The following STK32B variants were observed in gnomAD, a reference collection of about 807,000 sequenced individuals.
STK32B encodes serine/threonine-protein kinase 32B.
STK32B carries 43 observed loss-of-function variants against 52.6 expected under a neutral mutation model. The observed-to-expected ratio is 0.82, with a 90% CI of 0.64 to 1.05. The LOEUF is 1.05. Among genes scored for constraint, STK32B ranks in the 50% least tolerant of loss-of-function variants. The pLI, the probability that STK32B is intolerant of heterozygous loss-of-function variation, is 0.00. For missense variants in STK32B, 621 were observed against 534.6 expected, an observed-to-expected ratio of 1.16 and a Z score of -1.59; for synonymous variants, 238 against 204.3, an observed-to-expected ratio of 1.17 and a Z score of -1.41.
At chr4:5,348,421 A>G (rs892713700) in intron 4 of STK32B, among the ~76,000 whole-genome samples, 6 of 152,138 alleles carry the variant, frequency 3.9e-5, no homozygotes, top group Admixed American at 3.3e-4. Flanking sequence ...GCGCTTTTGC[A>G]TCTCTGGAAT....
chr4:5,161,762 C>T (rs1034752312), intron 2 of STK32B, among the ~76,000 whole-genome samples: 7 of 152,252 alleles, frequency 4.6e-5, no homozygotes, highest in South Asian at 2.1e-4. Context: ...CTTCTTTCAG[C>T]GAATTATTTG....
In STK32B at chr4:5,317,176, TAA is replaced by T. The variant is rs1491136123; in HGVS notation, c.261-14043_261-14042del. ...ATACATATTACATATATATAACATA[TAA>T]TATATATATATAACATATATATATT... On this transcript the variant is annotated intron_variant, in intron 3 of 11. Transcript: ENST00000282908. 5.6e-4 allele frequency among the ~76,000 whole-genome samples: 28 copies of T among 49,762 alleles called. 2 individuals carry two copies. The East Asian group carries it at 5.9e-3, about 11-fold the overall frequency. 32.6% of individuals were successfully genotyped at this position (49,762 alleles called of 152,430 possible).
rs557744779 is a variant in STK32B, at chr4:5,094,384, A to G, written c.52+42469A>G. Among the ~76,000 whole-genome samples the G allele has an allele frequency of 2.0e-5, 3 of 152,328 alleles. No homozygotes were observed. The South Asian group carries it at 6.2e-4, about 32-fold the overall frequency. ...TAAGAAAATCACTGGTTGGCATGAT[A>G]GCTCATGCCTGTAATCCTAGCATTT... On this transcript the variant is annotated intron_variant, in intron 1 of 11. Transcript: ENST00000282908.
At chr4:5,450,754 C>A (rs573247627) in intron 7 of STK32B, among the ~76,000 whole-genome samples, 98 of 151,498 alleles carry the variant, frequency 6.5e-4, no homozygotes, top group African/African-American at 2.4e-3. Context: ...AATTACCCAG[C>A]TCCAAGACTG....
At chr4:5,040,289 C>A in the STK32B span, among the ~76,000 whole-genome samples, 994 of 152,208 alleles carry the variant, frequency 6.5e-3, 5 homozygotes, top group Non-Finnish European at 0.011. Context: ...GCCACACTGC[C>A]CAACTCCTTC....
At chr4:5,169,889 T>G (rs1304010604) in intron 3 of STK32B, among the ~76,000 whole-genome samples, 2 of 151,872 alleles carry the variant, frequency 1.3e-5, no homozygotes, top group Non-Finnish European at 2.9e-5. Context: ...TTATACTCCT[T>G]TTCTTGTATT....
intron 3 of STK32B, among the ~76,000 whole-genome samples, chr4:5,230,364 A>G (rs1184648273): frequency 6.6e-6 from 1 of 151,238 alleles, no homozygotes; most frequent in Admixed American, 6.6e-5. Context: ...TAGTTTTTGT[A>G]TTTTTAGTAG....
intron 3 of STK32B, among the ~76,000 whole-genome samples, chr4:5,192,547 ATAT>A (rs1577169347): frequency 1.3e-5 from 2 of 152,288 alleles, no homozygotes; most frequent in South Asian, 2.1e-4. Flanking sequence ...TCACAATAGG[ATAT>A]TATTTTTAAA....
rs189742117 is a variant in STK32B at position 5,074,271 on chromosome 4, A to G, written c.52+22356A>G. ...GTTTGGATACAGTTTTTATTCATCT[A>G]TCAAGTTCACAGATCCCTTCTGTAT... On this transcript the variant is annotated intron_variant, in intron 1 of 11. Coordinates refer to ENST00000282908, the MANE Select transcript of STK32B (RefSeq NM_018401.3). 7.9e-5 allele frequency among the ~76,000 whole-genome samples: 12 copies of G among 151,968 alleles called. No individual in the cohort carries two copies. In the East Asian group the frequency reaches 2.3e-3, roughly 29 times the overall value.
chr4:5,338,415 G>A (rs1732848536), intron 4 of STK32B, among the ~76,000 whole-genome samples: 1 of 152,218 alleles, frequency 6.6e-6, no homozygotes, highest in African/African-American at 2.4e-5. Context: ...GGTCACACCA[G>A]GGTAGAGTAT....
intron 3 of STK32B, among the ~76,000 whole-genome samples, chr4:5,306,022 C>A (rs57285071): frequency 0.083 from 12,632 of 152,098 alleles, 833 homozygotes; most frequent in African/African-American, 0.18. Context: ...TTTGAGGGTT[C>A]CTTTTGGAGT....
chr4:5,108,599 T>A (rs183018570), intron 1 of STK32B, among the ~76,000 whole-genome samples: 2 of 152,246 alleles, frequency 1.3e-5, no homozygotes, highest in African/African-American at 4.8e-5. Flanking sequence ...CTTAAAGATT[T>A]ATTTGTGGCA....
intron 3 of STK32B, among the ~76,000 whole-genome samples, chr4:5,182,186 A>G (rs917365962): frequency 6.6e-6 from 1 of 152,166 alleles, no homozygotes; most frequent in Non-Finnish European, 1.5e-5. Context: ...TTCCAGCTCT[A>G]CTTCTAATTC....
intron 3 of STK32B, among the ~76,000 whole-genome samples, chr4:5,228,939 C>A (rs2108803641): frequency 6.6e-6 from 1 of 152,128 alleles, no homozygotes; most frequent in Middle Eastern, 3.4e-3. Flanking sequence ...TGCACTCCAG[C>A]TTGGGTGACA....
rs1716212323 is a variant in STK32B at position 5,453,552 on chromosome 4, CT to C, written c.667-3254del. Among the ~76,000 whole-genome samples the C allele has an allele frequency of 2.0e-5, 3 of 152,068 alleles. No individual in the cohort carries two copies. Among genetic ancestry groups the C allele is most frequent in the African/African-American group, 7.2e-5 (3 of 41,454 alleles). ...CCTCCTTTTCAGGGTAGGGGTGGGA[CT>C]GTTTTGGGCAGAACTGTTTATTGAA... On this transcript the variant is annotated intron_variant, in intron 7 of 11. Transcript: ENST00000282908. This position sits in a 1 kb window ranked among gnomAD's most constrained non-coding sequence, Gnocchi z 4.0.
rs1469282853 is a variant in STK32B, at chr4:5,499,247, T to C, written c.*164T>C. ...AGCCTGGGTTCTGGTCCCATCTCCATGACTGATTCACGTGTGACCTCAGAC... is the reference window on the plus strand; with the variant it reads ...AGCCTGGGTTCTGGTCCCATCTCCACGACTGATTCACGTGTGACCTCAGAC... On this transcript the variant is annotated 3_prime_UTR_variant, in exon 12 of 12. Transcript: ENST00000282908. 8 of 970,992 alleles carry C rather than the reference T, an allele frequency of 8.2e-6. No individual in the cohort carries two copies. The highest frequency in any genetic ancestry group is 1.1e-5 in the Non-Finnish European group (8 of 702,104). 60.1% of individuals were successfully genotyped at this position (970,992 alleles called of 1,614,324 possible). A position where few individuals can be genotyped will look rare whatever the true frequency, so the allele number is the denominator to read the frequency against.
At chr4:5,317,475 A>G (rs1229343729) in intron 3 of STK32B, among the ~76,000 whole-genome samples, 1 of 55,128 alleles carries the variant, frequency 1.8e-5, no homozygotes, top group Admixed American at 2.2e-4. Context: ...TGTATAATAT[A>G]TATATTACAT....
intron 3 of STK32B, among the ~76,000 whole-genome samples, chr4:5,255,649 T>A (rs1726246284): frequency 1.3e-5 from 2 of 152,206 alleles, no homozygotes; most frequent in Admixed American, 1.3e-4. Flanking sequence ...AACCTCTTTT[T>A]AACTTAATGT....
intron 1 of STK32B, among the ~76,000 whole-genome samples, chr4:5,069,483 C>T (rs1179801188): frequency 2.0e-5 from 3 of 152,154 alleles, no homozygotes; most frequent in Non-Finnish European, 4.4e-5. Context: ...ATCATGGAAT[C>T]TTTCAGCAGG....
Sources: allele counts gnomAD v4.1 joint callset (sites outside exome capture counted in the v4.1 genomes callset), GRCh38; gene constraint gnomAD v4.1.1; non-coding constraint Gnocchi (gnomAD v3.1); transcripts MANE v1.5; gene names NCBI Gene and HGNC (gene_info 2026-07-23, HGNC 2026-07-21).